CP: variants seen among roughly 807,000 people sequenced by gnomAD.
The protein encoded by CP is ceruloplasmin, also known as caeruloplasmin.
A neutral mutation model predicts 122.4 loss-of-function variants in CP; 64 were observed. The ratio of observed to expected loss-of-function variants is 0.52; its 90% confidence interval spans 0.43 to 0.64. CP has a LOEUF of 0.64. Ranked by LOEUF, CP falls within the 30% of genes least tolerant of loss-of-function variation. The pLI, the probability that CP is intolerant of heterozygous loss-of-function variation, is 0.00. For synonymous variants in CP, 440 were observed against 436.4 expected (o/e 1.01, Z -0.10); for missense variants, 1,167 against 1,284.4 (o/e 0.91, Z 1.40).
At chr3:149,178,910 C>CAG (rs1725601049) in intron 15 of CP, among the ~76,000 whole-genome samples, 3 of 152,076 alleles carry the variant, frequency 2.0e-5, no homozygotes, top group Non-Finnish European at 4.4e-5. Flanking sequence ...TAAAAGAATC[C>CAG]CAAATGAACA....
chr3:149,203,474 G>A (rs1244668169), intron 6 of CP, among the ~76,000 whole-genome samples: 1 of 152,086 alleles, frequency 6.6e-6, no homozygotes, highest in Non-Finnish European at 1.5e-5. Flanking sequence ...ATGTTGGCCA[G>A]GCTGGTCTCG....
intron 9 of CP, among the ~76,000 whole-genome samples, chr3:149,195,705 TACAAA>T (rs1481767299): frequency 6.6e-6 from 1 of 151,880 alleles, no homozygotes; most frequent in Non-Finnish European, 1.5e-5. Context: ...CTACTAAAAA[TACAAA>T]ACAAAATTAG....
chr3:149,166,249 G>T (rs1000363830), intron 4 of CP, among the ~76,000 whole-genome samples: 3 of 152,154 alleles, frequency 2.0e-5, no homozygotes, highest in Non-Finnish European at 4.4e-5. Context: ...TGACAAAGTG[G>T]TATTGATAAC....
downstream of CP, chr3:149,168,089 C>G: frequency 6.9e-6 from 5 of 727,248 alleles, no homozygotes. Context: ...AACCGAGGGC[C>G]TTTCAGAACC....
rs756990383 is a variant in CP, at chr3:149,210,332, T to C, written c.442A>G (p.Lys148Glu). ...NTTDFQRADD[K>E]VYPGEQYTYM... The stretch of plus-strand genomic sequence containing the variant: ...GTATACTGCTCTCCTGGATATACTT[T>C]GTCATCTGCTCTTTGAAAATCTGTG... Residue 148 changes from lysine to glutamate, a missense_variant, in exon 3 of 19, where the codon AAA becomes GAA. Lys to Glu is a moderately conservative substitution (Grantham distance 56). Coordinates refer to ENST00000264613, the MANE Select transcript of CP (RefSeq NM_000096.4). 2 of 1,614,134 alleles carry C rather than the reference T, an allele frequency of 1.2e-6. No homozygotes were observed. The highest frequency in any genetic ancestry group is 2.2e-5 in the South Asian group (2 of 91,086).
In CP at chr3:149,176,307, C is replaced by G. The variant is rs758835051; in HGVS notation, c.3124G>C (p.Val1042Leu). ...ATTCCAGCATGAATGTGGTCGGTCACATGGCAGTGGAGTAACCAAATTCCA... is the reference window on the plus strand; with the variant it reads ...ATTCCAGCATGAATGTGGTCGGTCAGATGGCAGTGGAGTAACCAAATTCCA... ...TPGIWLLHCH[V>L]TDHIHAGMET... Residue 1042 changes from valine to leucine, a missense_variant, in exon 18 of 19, where the codon GTG (valine) becomes CTG (leucine). Val to Leu is a conservative substitution (Grantham distance 32, BLOSUM62 1). This residue lies in a region of CP where 525 missense variants were observed against 657.2 expected (regional missense o/e 0.80). Transcript: ENST00000264613. 3 of 1,613,402 alleles carry G rather than the reference C, an allele frequency of 1.9e-6. No homozygotes were observed. Among genetic ancestry groups the G allele is most frequent in the South Asian group, 2.2e-5 (2 of 91,048 alleles).
At chr3:149,213,584 C>T (rs1728255998) in intron 1 of CP, among the ~76,000 whole-genome samples, 1 of 151,972 alleles carries the variant, frequency 6.6e-6, no homozygotes, top group Non-Finnish European at 1.5e-5. Context: ...GCAAGCCCCT[C>T]CACAACCAAG....
Position 149,176,522 on chromosome 3 carries a change from TA to T in CP, c.3019-111del, listed in dbSNP as rs1424432628. On this transcript the variant is annotated intron_variant, in intron 17 of 18. Coordinates refer to ENST00000264613, the MANE Select transcript of CP (RefSeq NM_000096.4). The stretch of plus-strand genomic sequence containing the variant: ...TTGAAAAAATGGATAAATCTGTTTT[TA>T]AAAAATCGAGCTCGTTTCTGTGTTT... The T allele has an allele frequency of 8.5e-5, 78 of 919,568 alleles. No individual in the cohort carries two copies. In the Admixed American group the frequency reaches 1.0e-3, roughly 12 times the overall value. The allele number at this position is 919,568 out of a possible 1,614,324, so 57.0% of individuals were successfully genotyped here.
chr3:149,199,910 G>GTAT (rs758136190), intron 7 of CP, 46 bp from the exon 8 acceptor site: 9 of 1,576,156 alleles, frequency 5.7e-6, no homozygotes, highest in African/African-American at 2.7e-5. Flanking sequence ...TATGTAACAT[G>GTAT]CAGAATGTAT....
chr3:149,164,096 G>A, intron 5 of CP: 2 of 586,898 alleles, frequency 3.4e-6, no homozygotes, highest in South Asian at 2.0e-5. Flanking sequence ...CAGGAGACTT[G>A]GAGGGAATGC....
At position 149,221,747 on chromosome 3, in the gene CP, G is replaced by C. The variant is rs1476259886; in HGVS notation, c.46C>G (p.Pro16Ala). 3 of 1,613,436 alleles carry C rather than the reference G, an allele frequency of 1.9e-6. No individual in the cohort carries two copies. Among genetic ancestry groups the C allele is most frequent in the African/African-American group, 2.7e-5 (2 of 74,812 alleles). The part of the protein sequence containing the change: ...LGIFLFLCST[P>A]AWAKEKHYYI... ...TAATGCTTTTCTTTCGCCCAGGCTG[G>C]GGTACTACATAAAAACAGAAAAATA... Residue 16 changes from proline to alanine, a missense_variant, in exon 1 of 19, where the codon CCA (proline) becomes GCA (alanine). Physicochemically the swap from Pro to Ala is conservative, Grantham distance 27 (BLOSUM62 -1). Coordinates refer to ENST00000264613, the MANE Select transcript of CP (RefSeq NM_000096.4).
chr3:149,163,427 G>A (rs1724089425), intron 5 of CP, among the ~76,000 whole-genome samples: 1 of 152,194 alleles, frequency 6.6e-6, no homozygotes, highest in South Asian at 2.1e-4. Flanking sequence ...ATGGCTAATG[G>A]AGGGTTAAGT....
chr3:149,209,551 T>C (rs1559957896), intron 3 of CP, among the ~76,000 whole-genome samples, 167 bp from the exon 4 acceptor site: 1 of 152,200 alleles, frequency 6.6e-6, no homozygotes, highest in Non-Finnish European at 1.5e-5. Context: ...CTCAGGGAAT[T>C]TTTATGATCA....
At chr3:149,205,200 C>A (rs199583756) in intron 6 of CP, among the ~76,000 whole-genome samples, 68 of 145,744 alleles carry the variant, frequency 4.7e-4, no homozygotes, top group South Asian at 3.5e-3. Flanking sequence ...AAAAAAAAAA[C>A]AAAACAGAAA....
At chr3:149,195,290 CA>C (rs1726827165) in intron 9 of CP, among the ~76,000 whole-genome samples, 1 of 152,182 alleles carries the variant, frequency 6.6e-6, no homozygotes, top group African/African-American at 2.4e-5. Flanking sequence ...ACTGTATAAG[CA>C]TTTAGCTTTT....
chr3:149,170,941 A>G (rs1296501964), downstream of CP, among the ~76,000 whole-genome samples: 3 of 152,280 alleles, frequency 2.0e-5, no homozygotes, highest in East Asian at 3.9e-4. Flanking sequence ...GTAGAATCAT[A>G]AAGTTGCATT....
chr3:149,203,895 T>C (rs942772878), intron 6 of CP, among the ~76,000 whole-genome samples: 21 of 151,982 alleles, frequency 1.4e-4, no homozygotes, highest in African/African-American at 4.1e-4. Flanking sequence ...TTCTTTGAGG[T>C]TGGGGAAAGT....
At chr3:149,204,272 GAATGTGT>G (rs1313928115) in intron 6 of CP, among the ~76,000 whole-genome samples, 1 of 152,204 alleles carries the variant, frequency 6.6e-6, no homozygotes, top group Non-Finnish European at 1.5e-5. Context: ...GATGTTTGGA[GAATGTGT>G]TGGAAAATAC....
intron 1 of CP, among the ~76,000 whole-genome samples, chr3:149,217,338 T>C (rs1358736431): frequency 2.0e-5 from 3 of 152,192 alleles, no homozygotes; most frequent in African/African-American, 4.8e-5. Context: ...GGATGCTATA[T>C]AACTTGGGAG....
Sources: gnomAD v4.1 joint callset for allele counts (sites outside exome capture counted in the v4.1 genomes callset) on GRCh38, gnomAD v4.1.1 for gene constraint, gnomAD v4.1.1 regional missense constraint, MANE v1.5 for transcripts, NCBI Gene and HGNC (gene_info 2026-07-23, HGNC 2026-07-21) for gene names.